The following PELI1 variants were observed in gnomAD, a reference collection of about 807,000 sequenced individuals.
PELI1 encodes pellino E3 ubiquitin protein ligase 1.
In PELI1, 15 loss-of-function variants were observed where a neutral mutation model predicts 41.3. That is an observed-to-expected ratio of 0.36 (90% CI 0.24 to 0.56). The LOEUF is 0.56. PELI1 is among the 20% of genes least tolerant of loss of function. PELI1 has a pLI of 0.82. For missense variants in PELI1, 403 were observed against 525.5 expected (o/e 0.77, Z 2.28); for synonymous variants, 178 against 180.1 (o/e 0.99, Z 0.09).
intron 4 of PELI1, among the ~76,000 whole-genome samples, chr2:64,098,526 A>G (rs1251634465): frequency 6.6e-6 from 1 of 152,068 alleles, no homozygotes; most frequent in African/African-American, 2.4e-5. Context: ...AATCCTACTT[A>G]ACCTGATAAA....
intron 1 of PELI1, among the ~76,000 whole-genome samples, chr2:64,109,406 T>C (rs1680730744): frequency 2.0e-5 from 3 of 151,760 alleles, no homozygotes; most frequent in Admixed American, 2.0e-4. Context: ...ATAGGCTGGG[T>C]GCAGTGGTTC....
intron 1 of PELI1, among the ~76,000 whole-genome samples, chr2:64,141,684 G>C (rs1221987335): frequency 6.6e-6 from 1 of 152,184 alleles, no homozygotes; most frequent in African/African-American, 2.4e-5. Flanking sequence ...ACCCAGAAGA[G>C]GCTGAACTTA....
chr2:64,107,254 T>A (rs144698748), intron 2 of PELI1, among the ~76,000 whole-genome samples: 2 of 152,298 alleles, frequency 1.3e-5, no homozygotes, highest in African/African-American at 4.8e-5. Flanking sequence ...TTTTCTAGTT[T>A]CTGAGATCTC....
chr2:64,106,482 T>C (rs539611327), intron 2 of PELI1, among the ~76,000 whole-genome samples: 2 of 152,330 alleles, frequency 1.3e-5, no homozygotes, highest in East Asian at 1.9e-4. Flanking sequence ...AAGAATTTAA[T>C]CTGGAAAAGT....
chr2:64,100,148 T>C (rs1044009978), intron 4 of PELI1, among the ~76,000 whole-genome samples: 27 of 152,214 alleles, frequency 1.8e-4, no homozygotes, highest in African/African-American at 6.3e-4. Context: ...GGAGAGTCTA[T>C]TATCTGCACT....
intron 1 of PELI1, among the ~76,000 whole-genome samples, chr2:64,129,511 C>A (rs7558568): frequency 0.23 from 34,367 of 152,064 alleles, 5,172 homozygotes; most frequent in East Asian, 0.74. Flanking sequence ...CATATTCAAA[C>A]AAGTTTTGTC....
chr2:64,123,324 C>T (rs1681283864), intron 1 of PELI1, among the ~76,000 whole-genome samples: 1 of 152,184 alleles, frequency 6.6e-6, no homozygotes, highest in Non-Finnish European at 1.5e-5. Context: ...GCTGTGTTTA[C>T]CTGGCAGTCT....
At chr2:64,105,334 C>A (rs1680584113) in intron 2 of PELI1, among the ~76,000 whole-genome samples, 1 of 152,066 alleles carries the variant, frequency 6.6e-6, no homozygotes, top group Admixed American at 6.5e-5. Flanking sequence ...TGTACAAATG[C>A]ACTCTCATTA....
rs577988890 is a variant in PELI1, at chr2:64,106,953, A to T, written c.71+1287T>A. 2.6e-5 allele frequency among the ~76,000 whole-genome samples: 4 copies of T among 152,252 alleles called. No homozygotes were observed. In the South Asian group the frequency reaches 8.3e-4, roughly 32 times the overall value. ...TTTTTTCTCATTTTTTTCGAGACGG[A>T]GTCTTGCTCTGTTGCCCAGGTTGGA... is the stretch of plus-strand genomic sequence containing the variant. On this transcript the variant is annotated intron_variant, in intron 2 of 6. Coordinates refer to ENST00000358912, the MANE Select transcript of PELI1 (RefSeq NM_020651.4).
chr2:64,127,225 G>A (rs1264331568), intron 1 of PELI1, among the ~76,000 whole-genome samples: 1 of 152,200 alleles, frequency 6.6e-6, no homozygotes, highest in African/African-American at 2.4e-5. Flanking sequence ...CACAAGACCT[G>A]TTAAATTCCA....
chr2:64,140,804 C>CAAAAAAAAAAAAAAAAA (rs200569281), intron 1 of PELI1, among the ~76,000 whole-genome samples: 1 of 102,608 alleles, frequency 9.7e-6, no homozygotes, highest in Non-Finnish European at 1.8e-5. Flanking sequence ...AAAAAACAAA[C>CAAAAAAAAAAAAAAAAA]AAACAAAAAA....
chr2:64,101,482 T>C (rs1680431205), intron 3 of PELI1, among the ~76,000 whole-genome samples: 1 of 152,212 alleles, frequency 6.6e-6, no homozygotes, highest in Non-Finnish European at 1.5e-5. Flanking sequence ...TTTCTATGTA[T>C]ATGAGTTGAA....
At position 64,103,290 on chromosome 2, in the gene PELI1, T is replaced by C. The variant is rs530193618; in HGVS notation, c.201+1411A>G. ...ATTACAGAGGCAGGGATTAGAAATA[T>C]TTTCCCTGATAGTGGTTTTCAACCA... On this transcript the variant is annotated intron_variant, in intron 3 of 6. Coordinates refer to ENST00000358912, the MANE Select transcript of PELI1 (RefSeq NM_020651.4). Among the ~76,000 whole-genome samples, 6 of 152,238 alleles carry C rather than the reference T, an allele frequency of 3.9e-5. No homozygotes were observed. In the East Asian group the frequency reaches 1.2e-3, roughly 29 times the overall value.
intron 1 of PELI1, among the ~76,000 whole-genome samples, chr2:64,135,131 T>C (rs929365459): frequency 1.3e-5 from 2 of 152,158 alleles, no homozygotes; most frequent in Non-Finnish European, 2.9e-5. Flanking sequence ...TTGACATTTT[T>C]AGAAAAGACA....
At chr2:64,136,829 G>C (rs777117412) in intron 1 of PELI1, among the ~76,000 whole-genome samples, 2 of 152,190 alleles carry the variant, frequency 1.3e-5, no homozygotes, top group Admixed American at 1.3e-4. Flanking sequence ...CTTGAACTCA[G>C]GAGGTGGAGG....
chr2:64,103,669 CA>C (rs747080607), intron 3 of PELI1, among the ~76,000 whole-genome samples: 47 of 152,172 alleles, frequency 3.1e-4, no homozygotes, highest in Non-Finnish European at 5.4e-4. Flanking sequence ...GATTCTTTCA[CA>C]AATCAAACTG....
chr2:64,111,075 A>G (rs1358960828), intron 1 of PELI1, among the ~76,000 whole-genome samples: 1 of 152,034 alleles, frequency 6.6e-6, no homozygotes, highest in Non-Finnish European at 1.5e-5. Context: ...TCCTGCATTT[A>G]TTTCTCTCCC....
At chr2:64,139,182 T>C (rs990915798) in intron 1 of PELI1, among the ~76,000 whole-genome samples, 1 of 152,254 alleles carries the variant, frequency 6.6e-6, no homozygotes, top group Non-Finnish European at 1.5e-5. Flanking sequence ...AGGATAGAAC[T>C]AAGCTTCATA....
intron 6 of PELI1, 45 bp downstream of exon 6, chr2:64,096,080 A>C (rs553403481): frequency 2.3e-6 from 3 of 1,309,472 alleles, no homozygotes; most frequent in Non-Finnish European, 3.3e-6. Context: ...TACTCATCCT[A>C]TGTGTTTATT....
Sources: gnomAD v4.1 joint callset for allele counts (sites outside exome capture counted in the v4.1 genomes callset) on GRCh38, gnomAD v4.1.1 for gene constraint, MANE v1.5 for transcripts, NCBI Gene and HGNC (gene_info 2026-07-23, HGNC 2026-07-21) for gene names.